The following NIN variants were observed in gnomAD, a reference collection of about 807,000 sequenced individuals.
NIN encodes ninein.
Under a neutral mutation model 257.6 loss-of-function variants are expected in NIN, and 137 were observed. The observed-to-expected ratio is 0.53, with a 90% CI of 0.46 to 0.61. The LOEUF (loss-of-function observed/expected upper bound fraction) is 0.61. NIN is among the 20% of genes least tolerant of loss of function. The probability of loss-of-function intolerance (pLI) is 0.00; values close to 1 mark genes in which losing one functional copy is unlikely to be tolerated. For synonymous variants in NIN, 918 were observed against 919.8 expected (o/e 1.00, Z 0.04); for missense variants, 2,439 against 2,501.2 (o/e 0.98, Z 0.53).
chr14:50,816,335 A>G (rs1303446659), intron 3 of NIN, among the ~76,000 whole-genome samples: 1 of 152,202 alleles, frequency 6.6e-6, no homozygotes, highest in African/African-American at 2.4e-5. Context: ...AAACCTGCAC[A>G]TCCTGCACAT....
At chr14:50,767,816 CAAA>C (rs755570611) in intron 12 of NIN, among the ~76,000 whole-genome samples, 3 of 66,856 alleles carry the variant, frequency 4.5e-5, no homozygotes, top group Non-Finnish European at 6.0e-5. Flanking sequence ...GACTCCATCT[CAAA>C]AAAAAAAAAA....
chr14:50,815,355 A>G (rs1215963719), intron 3 of NIN, among the ~76,000 whole-genome samples: 1 of 152,262 alleles, frequency 6.6e-6, no homozygotes, highest in Non-Finnish European at 1.5e-5. Flanking sequence ...ACCTCATGCC[A>G]GTCAGAATGG....
intron 21 of NIN, among the ~76,000 whole-genome samples, chr14:50,748,900 G>T (rs1274863157): frequency 2.0e-5 from 3 of 152,176 alleles, no homozygotes; most frequent in African/African-American, 7.2e-5. Flanking sequence ...GTAATTTATA[G>T]ATTCGGTGCT....
In NIN at chr14:50,750,569, C is replaced by T. The variant is rs147482543; in HGVS notation, c.4950+1949G>A. On this transcript the variant is annotated intron_variant, in intron 21 of 30. Transcript: ENST00000530997. ...ACTAGATTATCATAGCATGTAGATA[C>T]AGTTCATCTTGTCTTTAGCCTGGAT... Among the ~76,000 whole-genome samples the T allele has an allele frequency of 3.3e-3, 388 of 116,932 alleles. 1 individual carries two copies. The highest frequency in any genetic ancestry group is 5.7e-3 in the Non-Finnish European group (312 of 54,502). The allele number at this position is 116,932 out of a possible 152,430, so 76.7% of individuals were successfully genotyped here.
chr14:50,803,206 G>A (rs1388166331), intron 4 of NIN, among the ~76,000 whole-genome samples: 1 of 152,060 alleles, frequency 6.6e-6, no homozygotes, highest in Non-Finnish European at 1.5e-5. Flanking sequence ...ACAAAAAAAT[G>A]AGCCAGGCGT....
intron 29 of NIN, 131 bp from the exon 30 acceptor site, chr14:50,726,197 T>TTTCATGA: frequency 2.9e-6 from 2 of 689,482 alleles, no homozygotes; most frequent in Non-Finnish European, 4.9e-6. Context: ...GGATTTCTCA[T>TTTCATGA]GAAATGAGAG....
chr14:50,735,702 G>C (rs2040941623), intron 27 of NIN, 85 bp from the exon 28 acceptor site: 1 of 1,459,218 alleles, frequency 6.9e-7, no homozygotes, highest in Non-Finnish European at 9.0e-7. Flanking sequence ...ATCTGTGCTT[G>C]TCAGAAATCT....
chr14:50,765,901 A>G (rs1453227189), intron 14 of NIN, among the ~76,000 whole-genome samples: 1 of 149,998 alleles, frequency 6.7e-6, no homozygotes, highest in Non-Finnish European at 1.5e-5. Context: ...CACATTGTGC[A>G]GGTTAGTTAC....
rs41299193 is a variant in NIN, at chr14:50,756,742, T to A, written c.4288A>T (p.Ile1430Leu). 5,246 of 1,551,684 alleles carry A rather than the reference T, an allele frequency of 3.4e-3. 6 individuals carry two copies. Among genetic ancestry groups the A allele is most frequent in the Non-Finnish European group, 4.1e-3 (4,673 of 1,147,000 alleles). Residue 1430 changes from isoleucine (I) to leucine (L), a missense_variant, in exon 18 of 31, where the codon ATA becomes TTA. Transcript: ENST00000530997. ...AGGAGAGTAGTGTTTTCCTCCAGTA[T>A]AACTTGATTCTGTACTCTTGGCCTT... ...QERPRVQNQV[I>L]LEENTTLLGF...
intron 14 of NIN, 62 bp downstream of exon 14, chr14:50,766,245 G>T: frequency 7.9e-7 from 1 of 1,259,690 alleles, no homozygotes; most frequent in Non-Finnish European, 1.2e-6. Context: ...GCTAGGGAAC[G>T]GGGAAGCTGG....
In NIN at chr14:50,756,615, ACT is replaced by A. The variant is rs1423351034; in HGVS notation, c.4413_4414del (p.Arg1471SerfsTer6). On this transcript the variant is annotated frameshift_variant, in exon 18 of 31. Coordinates refer to ENST00000530997, the MANE Select transcript of NIN (RefSeq NM_020921.4). LOFTEE classifies it high-confidence loss of function. ...ATCTTTTTGCTTAACTAAAATAGTG[ACT>A]CTCTCCTTCAACTTCCTAGTCAGCT... 1.0e-5 allele frequency: 16 copies of A among 1,574,882 alleles called. No individual in the cohort carries two copies. The highest frequency in any genetic ancestry group is 1.4e-5 in the Non-Finnish European group (16 of 1,158,166).
intron 15 of NIN, 89 bp downstream of exon 15, chr14:50,763,737 A>T: frequency 8.9e-7 from 1 of 1,122,198 alleles, no homozygotes; most frequent in Non-Finnish European, 1.3e-6. Context: ...TCTTTTTTCA[A>T]GTTGCCAAAG....
At chr14:50,827,756 CAAAA>C (rs370926505) in intron 2 of NIN, among the ~76,000 whole-genome samples, 2 of 107,142 alleles carry the variant, frequency 1.9e-5, no homozygotes, top group Admixed American at 1.1e-4. Context: ...GACTCCGTAT[CAAAA>C]AAAAAAAAAA....
In NIN at chr14:50,748,086, G is replaced by A. The variant is rs897352982; in HGVS notation, c.4970C>T (p.Ser1657Phe). ...AACTTCAGAGAGCTCCGCCTCCAGA[G>A]AAGACACTAAAGTGGAGGACTAAGA... ...CKVQSSTLVS[S>F]LEAELSEVKI... The change falls in exon 22 of 31, where the codon TCT becomes TTT. Residue 1657 changes from serine (S) to phenylalanine (F), a missense_variant. By Grantham distance (155) the Ser-to-Phe change is radical (BLOSUM62 -2). Around this residue, in one of 3 missense-constraint regions of NIN, gnomAD observed 2,043 missense variants for 2,050.2 expected, o/e 1.00. Coordinates refer to ENST00000530997, the MANE Select transcript of NIN (RefSeq NM_020921.4). The A allele has an allele frequency of 6.2e-7, 1 of 1,612,810 alleles. No homozygotes were observed. The highest frequency in any genetic ancestry group is 8.5e-7 in the Non-Finnish European group (1 of 1,178,900).
At position 50,741,603 on chromosome 14, in the gene NIN, T is replaced by G; in HGVS notation, c.5427A>C (p.Gln1809His). The change falls in exon 25 of 31, where the codon CAA becomes CAC. Residue 1809 changes from glutamine (Q) to histidine (H), a missense_variant. Physicochemically the swap from Gln to His is conservative, Grantham distance 24. This residue lies in a region of NIN where 2,043 missense variants were observed against 2,050.2 expected (regional missense o/e 1.00). Coordinates refer to ENST00000530997, the MANE Select transcript of NIN (RefSeq NM_020921.4). ...TCACCTTGCCACCAGCATTCTGAAGTTGCTTATGTAAAGACATCACTTCTT... is the reference window on the plus strand; with the variant it reads ...TCACCTTGCCACCAGCATTCTGAAGGTGCTTATGTAAAGACATCACTTCTT... Reference protein sequence around the residue: ...LKQEVMSLHKQLQNAGGKSWA... With the variant: ...LKQEVMSLHKHLQNAGGKSWA... 2 of 1,614,024 alleles carry G rather than the reference T, an allele frequency of 1.2e-6. No individual in the cohort carries two copies. Among genetic ancestry groups the G allele is most frequent in the Non-Finnish European group, 1.7e-6 (2 of 1,179,996 alleles).
At chr14:50,731,854 G>A (rs936075722) in intron 28 of NIN, among the ~76,000 whole-genome samples, 1 of 152,068 alleles carries the variant, frequency 6.6e-6, no homozygotes, top group Admixed American at 6.6e-5. Flanking sequence ...GATTATTCCA[G>A]GTCCAGTACA....
At chr14:50,779,668 G>A (rs1337111516) in intron 5 of NIN, among the ~76,000 whole-genome samples, 3 of 151,938 alleles carry the variant, frequency 2.0e-5, no homozygotes, top group Non-Finnish European at 4.4e-5. Flanking sequence ...TGAGGCAGGA[G>A]AATGGCGTGA....
chr14:50,747,738 T>TAA (rs112215274), intron 22 of NIN, among the ~76,000 whole-genome samples: 8,843 of 114,178 alleles, frequency 0.077, 880 homozygotes, highest in African/African-American at 0.27. Flanking sequence ...GAAACTGTCT[T>TAA]AAAAAAAAAA....
chr14:50,808,911 CA>C (rs1166620580), intron 3 of NIN, among the ~76,000 whole-genome samples: 4 of 152,146 alleles, frequency 2.6e-5, no homozygotes, highest in Admixed American at 6.5e-5. Context: ...TGACTGTTCC[CA>C]TTACTTTTAT....
Sources: allele counts gnomAD v4.1 joint callset (sites outside exome capture counted in the v4.1 genomes callset), GRCh38; gene constraint gnomAD v4.1.1; regional missense constraint gnomAD v4.1.1; transcripts MANE v1.5; gene names NCBI Gene and HGNC (gene_info 2026-07-23, HGNC 2026-07-21).